The following OSBPL9 variants were observed in gnomAD, a reference collection of about 807,000 sequenced individuals.
OSBPL9 encodes oxysterol binding protein like 9, also known as oxysterol-binding protein-related protein 9.
OSBPL9 carries 40 observed loss-of-function variants against 106.6 expected under a neutral mutation model. The ratio of observed to expected loss-of-function variants is 0.38; its 90% CI spans 0.29 to 0.49. The LOEUF (loss-of-function observed/expected upper bound fraction) is 0.49. OSBPL9 is among the 20% of genes least tolerant of loss of function. The pLI, the probability that OSBPL9 is intolerant of heterozygous loss-of-function variation, is 0.97. For synonymous variants in OSBPL9, 269 were observed against 295.4 expected (o/e 0.91, Z 0.92); for missense variants, 609 against 887.2 (o/e 0.69, Z 3.98).
chr1:51,711,783 G>A (rs1193752253), intron 3 of OSBPL9, among the ~76,000 whole-genome samples: 6 of 150,632 alleles, frequency 4.0e-5, no homozygotes, highest in Non-Finnish European at 8.9e-5. Flanking sequence ...TGGGGCGGCG[G>A]GGCAGAGGCG....
intron 8 of OSBPL9, among the ~76,000 whole-genome samples, chr1:51,755,651 GTT>G (rs989877053): frequency 5.6e-4 from 86 of 152,318 alleles, no homozygotes; most frequent in African/African-American, 2.0e-3. Context: ...TTGCGAGATG[GTT>G]TTTGCCCAAC....
intron 4 of OSBPL9, 42 bp downstream of exon 4, chr1:51,714,121 T>G: frequency 6.9e-7 from 1 of 1,449,882 alleles, no homozygotes; most frequent in East Asian, 2.3e-5. Context: ...CATTAGTTGT[T>G]GCTTTCTTTT....
At chr1:51,608,589 C>T (rs553454424) in intron 2 of OSBPL9, among the ~76,000 whole-genome samples, 13 of 152,056 alleles carry the variant, frequency 8.5e-5, no homozygotes, top group African/African-American at 3.1e-4. Context: ...AGGCATGAGC[C>T]ACCACAACTG....
At chr1:51,563,808 TG>T in the OSBPL9 span, 1 of 151,966 alleles carries the variant, frequency 6.6e-6, no homozygotes, top group African/African-American at 2.4e-5. Flanking sequence ...AGGCTGGGCG[TG>T]GTGGCTCACA....
intron 6 of OSBPL9, among the ~76,000 whole-genome samples, chr1:51,747,277 A>G (rs139710510): frequency 2.3e-3 from 344 of 152,324 alleles, no homozygotes; most frequent in Non-Finnish European, 3.6e-3. Context: ...CAGAGTTTTA[A>G]TATAATACCT....
chr1:51,602,375 G>A (rs1033767074), intron 2 of OSBPL9, among the ~76,000 whole-genome samples: 6 of 146,280 alleles, frequency 4.1e-5, no homozygotes, highest in Admixed American at 6.8e-5. Flanking sequence ...TAATTTATTC[G>A]TATACTTTCA....
chr1:51,746,640 C>A, intron 5 of OSBPL9, 70 bp from the exon 6 acceptor site: 3 of 1,073,406 alleles, frequency 2.8e-6, no homozygotes, highest in Non-Finnish European at 2.7e-6. Flanking sequence ...GTTTGTTTTT[C>A]TGTGTTTAGT....
chr1:51,602,412 TTTTTTAA>T (rs1645328849), intron 2 of OSBPL9, among the ~76,000 whole-genome samples: 1 of 147,478 alleles, frequency 6.8e-6, no homozygotes, highest in African/African-American at 2.6e-5. Flanking sequence ...TGAAACATTT[TTTTTTAA>T]TTTTTTTTTT....
intron 8 of OSBPL9, 87 bp from the exon 9 acceptor site, chr1:51,756,233 A>G: frequency 2.8e-6 from 3 of 1,080,238 alleles, no homozygotes; most frequent in South Asian, 2.7e-5. Context: ...TTACTTACCT[A>G]GTAAATAAGC....
intron 21 of OSBPL9, 85 bp from the exon 22 acceptor site, chr1:51,786,441 T>C: frequency 1.2e-6 from 1 of 836,792 alleles, no homozygotes; most frequent in Non-Finnish European, 1.9e-6. Context: ...CTAGAGAATT[T>C]GAAGTGTCAA....
At chr1:51,750,316 T>C in intron 8 of OSBPL9, 121 bp downstream of exon 8, 1 of 591,668 alleles carries the variant, frequency 1.7e-6, no homozygotes. Context: ...TTAAACTGTA[T>C]TGTGAGCTTA....
chr1:51,572,726 T>C (rs1645157798), upstream of OSBPL9, among the ~76,000 whole-genome samples: 1 of 152,158 alleles, frequency 6.6e-6, no homozygotes, highest in African/African-American at 2.4e-5. Flanking sequence ...GTAATAGTAA[T>C]CACATATTAA....
intron 9 of OSBPL9, chr1:51,756,780 G>T: frequency 6.2e-6 from 1 of 160,142 alleles, no homozygotes. Flanking sequence ...TTTATTTTTA[G>T]TTTTTGTGTA....
chr1:51,533,485 CAAAAAAAAA>C, the OSBPL9 span, among the ~76,000 whole-genome samples: 1 of 54,452 alleles, frequency 1.8e-5, no homozygotes, highest in Non-Finnish European at 3.9e-5. Context: ...GACTCTGTCT[CAAAAAAAAA>C]AAAAAAAAGA....
intron 16 of OSBPL9, 157 bp downstream of exon 16, chr1:51,781,492 A>G (rs1013577314): frequency 1.4e-5 from 10 of 700,026 alleles, no homozygotes; most frequent in South Asian, 2.0e-5. Flanking sequence ...ATGTAGTGAG[A>G]AGGAGGAAAA....
At position 51,701,536 on chromosome 1, in the gene OSBPL9, T is replaced by C. The variant is rs551502155; in HGVS notation, c.242-12467T>C. On this transcript the variant is annotated intron_variant, in intron 3 of 23. Transcript: ENST00000428468. ...ACTCACTTGTCTGTAGTTACAGAAT[T>C]GCTAACATGTACTCCTATGAAAATC... 3.3e-5 allele frequency among the ~76,000 whole-genome samples: 5 copies of C among 152,308 alleles called. 1 individual carries two copies. The highest frequency in any genetic ancestry group is 1.2e-4 in the African/African-American group (5 of 41,578).
the OSBPL9 span, among the ~76,000 whole-genome samples, chr1:51,548,948 TA>T: frequency 6.6e-6 from 1 of 152,130 alleles, no homozygotes; most frequent in African/African-American, 2.4e-5. Flanking sequence ...CCCTAAAATA[TA>T]AATCACCATC....
intron 1 of OSBPL9, among the ~76,000 whole-genome samples, chr1:51,586,965 G>A (rs918537714): frequency 3.9e-5 from 6 of 152,130 alleles, no homozygotes; most frequent in Admixed American, 3.9e-4. Context: ...AGGTGATGTC[G>A]ATAGGACAGC....
the OSBPL9 span, chr1:51,519,087 C>A: frequency 7.1e-6 from 5 of 704,098 alleles, no homozygotes; most frequent in South Asian, 2.7e-5. Context: ...GCCCGGCCCA[C>A]AAGCCAAGAA....
Sources: gnomAD v4.1 joint callset for allele counts (sites outside exome capture counted in the v4.1 genomes callset) on GRCh38, gnomAD v4.1.1 for gene constraint, MANE v1.5 for transcripts, NCBI Gene and HGNC (gene_info 2026-07-23, HGNC 2026-07-21) for gene names.